CNTNAP2: variants seen among roughly 807,000 people sequenced by gnomAD.
The protein encoded by CNTNAP2 is contactin associated protein 2.
In CNTNAP2, 98 loss-of-function variants were observed where a neutral mutation model predicts 155.2. The observed-to-expected ratio is 0.63, with a 90% CI of 0.54 to 0.75. The LOEUF (loss-of-function observed/expected upper bound fraction) is 0.75. Ranked by LOEUF, CNTNAP2 falls within the 30% of genes least tolerant of loss-of-function variation. The probability of loss-of-function intolerance (pLI) is 0.00; values close to 1 mark genes in which losing one functional copy is unlikely to be tolerated. For synonymous variants in CNTNAP2, 651 were observed against 631.2 expected (o/e 1.03, Z -0.47); for missense variants, 1,727 against 1,688.1 (o/e 1.02, Z -0.40).
At chr7:146,262,856 T>C (rs548729177) in intron 1 of CNTNAP2, among the ~76,000 whole-genome samples, 81 of 152,292 alleles carry the variant, frequency 5.3e-4, no homozygotes, top group African/African-American at 1.7e-3. Flanking sequence ...CTTACAAATA[T>C]GCAGAAAGTA....
At chr7:146,487,598 G>A (rs1401152754) in intron 1 of CNTNAP2, among the ~76,000 whole-genome samples, 1 of 152,136 alleles carries the variant, frequency 6.6e-6, no homozygotes, top group Non-Finnish European at 1.5e-5. Flanking sequence ...TTTCCCCACA[G>A]CAAACTGAGA....
At chr7:146,586,836 CTG>C (rs1385570858) in intron 1 of CNTNAP2, among the ~76,000 whole-genome samples, 1 of 152,152 alleles carries the variant, frequency 6.6e-6, no homozygotes, top group African/African-American at 2.4e-5. Flanking sequence ...GCCAGCCTAA[CTG>C]TTAATGAGTG....
intron 3 of CNTNAP2, among the ~76,000 whole-genome samples, chr7:146,924,630 A>T (rs113573985): frequency 0.041 from 6,205 of 152,228 alleles, 142 homozygotes; most frequent in Middle Eastern, 0.088. Context: ...TAAATAGAGT[A>T]ATAGTGAGAT....
intron 1 of CNTNAP2, among the ~76,000 whole-genome samples, chr7:146,549,336 G>A (rs1355632467): frequency 6.6e-6 from 1 of 151,878 alleles, no homozygotes; most frequent in African/African-American, 2.4e-5. Flanking sequence ...TTCTGCCAGA[G>A]CAAAATGTAT....
intron 1 of CNTNAP2, among the ~76,000 whole-genome samples, chr7:146,147,129 A>G (rs1318787123): frequency 6.6e-6 from 1 of 152,150 alleles, no homozygotes; most frequent in African/African-American, 2.4e-5. Context: ...CAGTGATTCA[A>G]TTGCCAGGAA....
intron 10 of CNTNAP2, among the ~76,000 whole-genome samples, chr7:147,442,833 ACT>A (rs1463626950): frequency 3.9e-5 from 6 of 152,024 alleles, no homozygotes; most frequent in South Asian, 2.1e-4. Flanking sequence ...GGGCCTCATG[ACT>A]CTGACTGCTG....
chr7:147,173,522 G>T (rs1199832253), intron 8 of CNTNAP2, among the ~76,000 whole-genome samples: 1 of 152,126 alleles, frequency 6.6e-6, no homozygotes, highest in Non-Finnish European at 1.5e-5. Context: ...GGATCATCAG[G>T]ATGTTGCTAC....
At chr7:148,196,468 C>A (rs916565042) in intron 18 of CNTNAP2, among the ~76,000 whole-genome samples, 2 of 152,080 alleles carry the variant, frequency 1.3e-5, no homozygotes, top group Admixed American at 6.5e-5. Context: ...GAGTTTGCAG[C>A]ACACAGTAGA....
intron 15 of CNTNAP2, among the ~76,000 whole-genome samples, chr7:147,990,250 G>T (rs1055053766): frequency 2.0e-5 from 3 of 152,212 alleles, no homozygotes; most frequent in Non-Finnish European, 2.9e-5. Flanking sequence ...TCCCTGTGAA[G>T]TGAGAATTGT....
chr7:147,736,162 G>T (rs1383752163), intron 13 of CNTNAP2, among the ~76,000 whole-genome samples: 1 of 151,892 alleles, frequency 6.6e-6, no homozygotes, highest in Non-Finnish European at 1.5e-5. Context: ...GCTGTTACTG[G>T]TTGTTCCTTT....
chr7:146,394,233 G>T (rs189640904), intron 1 of CNTNAP2, among the ~76,000 whole-genome samples: 101 of 152,268 alleles, frequency 6.6e-4, no homozygotes, highest in Non-Finnish European at 1.3e-3. Context: ...GGAAAGAAAA[G>T]TAGAGACCTG....
In CNTNAP2 at chr7:147,019,806, G is replaced by A. The variant is rs562951917; in HGVS notation, c.403-24101G>A. Among the ~76,000 whole-genome samples, 16 of 152,142 alleles carry A rather than the reference G, an allele frequency of 1.1e-4. No individual in the cohort carries two copies. The South Asian group carries it at 3.3e-3, about 31-fold the overall frequency. ...TAATAATGATGTTTCAGAGCAGGAA[G>A]AACTCACAACTAATTAGTTCTAATC... On this transcript the variant is annotated intron_variant, in intron 3 of 23. Transcript: ENST00000361727.
intron 16 of CNTNAP2, among the ~76,000 whole-genome samples, chr7:148,134,387 G>C (rs1407258179): frequency 6.6e-6 from 1 of 152,140 alleles, no homozygotes; most frequent in Admixed American, 6.6e-5. Flanking sequence ...GTATACATTA[G>C]TTTAAACATC....
Position 146,839,913 on chromosome 7 carries a change from T to C in CNTNAP2, c.402+9T>C, listed in dbSNP as rs1803687505. On this transcript the variant is annotated intron_variant, in intron 3 of 23. Transcript: ENST00000361727. ...AAGATGGGAATATCTGGGTAAGTCA[T>C]TGGCAGGAAAGCAAAGACACAGAAT... 3 of 1,613,968 alleles carry C rather than the reference T, an allele frequency of 1.9e-6. No individual in the cohort carries two copies. Among genetic ancestry groups the C allele is most frequent in the South Asian group, 2.2e-5 (2 of 91,048 alleles).
At position 147,266,287 on chromosome 7, in the gene CNTNAP2, T is replaced by C. The variant is rs80313108; in HGVS notation, c.1349-33854T>C. The stretch of plus-strand genomic sequence containing the variant: ...AGAATAACCAGTTGAGAGAGAAACA[T>C]AAAAGACCGGATGGAGCTGAAAAAC... On this transcript the variant is annotated intron_variant, in intron 8 of 23. Coordinates refer to ENST00000361727, the MANE Select transcript of CNTNAP2 (RefSeq NM_014141.6). Among the ~76,000 whole-genome samples the C allele has an allele frequency of 8.9e-3, 1,359 of 152,266 alleles. 18 individuals are homozygous for C. Among genetic ancestry groups the C allele is most frequent in the African/African-American group, 0.031 (1,276 of 41,556 alleles).
chr7:147,690,975 C>T (rs766318548), intron 13 of CNTNAP2, among the ~76,000 whole-genome samples: 3 of 152,022 alleles, frequency 2.0e-5, no homozygotes, highest in Non-Finnish European at 2.9e-5. Context: ...TAGCGGTGAA[C>T]TTGTGACTGG....
intron 15 of CNTNAP2, among the ~76,000 whole-genome samples, chr7:148,048,105 T>A (rs960675248): frequency 1.3e-5 from 2 of 151,380 alleles, no homozygotes; most frequent in Non-Finnish European, 2.9e-5. Flanking sequence ...TTTTTTTTTT[T>A]AGTAGAGACG....
intron 8 of CNTNAP2, among the ~76,000 whole-genome samples, chr7:147,218,304 T>TA: frequency 6.6e-6 from 1 of 151,964 alleles, no homozygotes; most frequent in Admixed American, 6.5e-5. Flanking sequence ...GCATTGTTTT[T>TA]ACTACATCCA....
chr7:148,271,990 A>G (rs1289672709), intron 21 of CNTNAP2, among the ~76,000 whole-genome samples: 12 of 152,178 alleles, frequency 7.9e-5, no homozygotes, highest in Non-Finnish European at 5.9e-5. Flanking sequence ...AAGAAAGAGA[A>G]GAAGATGGCT....
Sources: gnomAD v4.1 joint callset for allele counts (sites outside exome capture counted in the v4.1 genomes callset) on GRCh38, gnomAD v4.1.1 for gene constraint, MANE v1.5 for transcripts, NCBI Gene and HGNC (gene_info 2026-07-23, HGNC 2026-07-21) for gene names.